SIPA1L3: variants seen among roughly 807,000 people sequenced by gnomAD.
The protein encoded by SIPA1L3 is signal induced proliferation associated 1 like 3.
Under a neutral mutation model 150.1 loss-of-function variants are expected in SIPA1L3, and 59 were observed. That is an observed-to-expected ratio of 0.39 (90% CI 0.32 to 0.49). The LOEUF (loss-of-function observed/expected upper bound fraction) is 0.49, where lower values mean the gene tolerates loss of function less well. SIPA1L3 is among the 20% of genes least tolerant of loss of function. SIPA1L3 has a pLI of 0.86. For synonymous variants in SIPA1L3, 1,070 were observed against 1,077.6 expected (o/e 0.99, Z 0.14); for missense variants, 2,211 against 2,489.5 (o/e 0.89, Z 2.38).
At chr19:38,115,270 C>T (rs1970857714) in intron 8 of SIPA1L3, among the ~76,000 whole-genome samples, 1 of 152,264 alleles carries the variant, frequency 6.6e-6, no homozygotes, top group Non-Finnish European at 1.5e-5. Context: ...CATCACAGCC[C>T]CTCACAGTGG....
intron 15 of SIPA1L3, among the ~76,000 whole-genome samples, chr19:38,177,752 G>A (rs370268697): frequency 2.6e-5 from 4 of 152,172 alleles, no homozygotes; most frequent in South Asian, 2.1e-4. Context: ...GCGGCAGGGC[G>A]CAGTGGCTCA....
At chr19:38,115,133 C>A (rs1970855199) in intron 8 of SIPA1L3, among the ~76,000 whole-genome samples, 1 of 152,206 alleles carries the variant, frequency 6.6e-6, no homozygotes, top group Admixed American at 6.5e-5. Context: ...CACCCCCAAG[C>A]CTTGATGGGC....
intron 1 of SIPA1L3, among the ~76,000 whole-genome samples, chr19:37,917,151 A>G (rs1599790303): frequency 6.6e-6 from 1 of 152,150 alleles, no homozygotes; most frequent in African/African-American, 2.4e-5. Context: ...TTTTTTCCAC[A>G]TTAAGCGTTT....
At chr19:38,026,473 C>A (rs1195632174) in intron 1 of SIPA1L3, among the ~76,000 whole-genome samples, 1 of 152,122 alleles carries the variant, frequency 6.6e-6, no homozygotes, top group South Asian at 2.1e-4. Flanking sequence ...CCCACCTCCA[C>A]CCACAACCCA....
intron 1 of SIPA1L3, among the ~76,000 whole-genome samples, chr19:37,955,439 G>A: frequency 6.7e-6 from 1 of 150,230 alleles, no homozygotes; most frequent in Admixed American, 6.7e-5. Context: ...TGGTAAATTT[G>A]TGAAGCTGCA....
intron 1 of SIPA1L3, among the ~76,000 whole-genome samples, chr19:37,938,603 CTTTTTCTTTTTTTCT>C (rs1383010958): frequency 2.0e-5 from 3 of 147,264 alleles, no homozygotes; most frequent in Admixed American, 1.3e-4. Context: ...ACATCTGCTT[CTTTTTCTTTTTTTCT>C]TTTTTCTTTT....
At chr19:38,054,405 G>A (rs1254019561) in intron 2 of SIPA1L3, among the ~76,000 whole-genome samples, 1 of 152,164 alleles carries the variant, frequency 6.6e-6, no homozygotes, top group Non-Finnish European at 1.5e-5. Flanking sequence ...TCAGAAGTTT[G>A]AGACTAGCCT....
At chr19:37,971,307 G>C (rs1966928364) in intron 1 of SIPA1L3, among the ~76,000 whole-genome samples, 1 of 151,838 alleles carries the variant, frequency 6.6e-6, no homozygotes, top group African/African-American at 2.4e-5. Context: ...ACATTTGATG[G>C]TTTTCAGTGT....
At chr19:38,072,631 G>A (rs1466580453) in intron 2 of SIPA1L3, among the ~76,000 whole-genome samples, 2 of 152,230 alleles carry the variant, frequency 1.3e-5, no homozygotes, top group Non-Finnish European at 2.9e-5. Flanking sequence ...AAGACATCAC[G>A]GTCTCACTGG....
In SIPA1L3 at chr19:37,990,195, C is replaced by A. The variant is rs10413865; in HGVS notation, c.-378-38894C>A. 8.5e-3 allele frequency among the ~76,000 whole-genome samples: 1,301 copies of A among 152,214 alleles called. 16 individuals are homozygous for A. The highest frequency in any genetic ancestry group is 0.029 in the African/African-American group (1,205 of 41,538). On this transcript the variant is annotated intron_variant, in intron 1 of 21. Coordinates refer to ENST00000222345, the MANE Select transcript of SIPA1L3 (RefSeq NM_015073.3). ...GGAAGAATTCCCAGGTCATTTTATA[C>A]CCACATCTTGATTTTTGTAACTGGG...
At chr19:38,096,550 C>T (rs972341920) in intron 4 of SIPA1L3, among the ~76,000 whole-genome samples, 2 of 151,942 alleles carry the variant, frequency 1.3e-5, no homozygotes, top group African/African-American at 2.4e-5. Context: ...CACCTGGCCT[C>T]CTCCTTAGTC....
intron 2 of SIPA1L3, among the ~76,000 whole-genome samples, chr19:38,056,205 C>T (rs1969310223): frequency 6.6e-6 from 1 of 152,248 alleles, no homozygotes; most frequent in Admixed American, 6.5e-5. Flanking sequence ...TGCACCAGCA[C>T]CACCCTCCTT....
At chr19:38,000,160 C>T (rs1375446906) in intron 1 of SIPA1L3, among the ~76,000 whole-genome samples, 1 of 152,000 alleles carries the variant, frequency 6.6e-6, no homozygotes, top group African/African-American at 2.4e-5. Flanking sequence ...TGGGCATGCA[C>T]AGTTAGGATT....
At chr19:37,942,577 G>T (rs1251355532) in intron 1 of SIPA1L3, among the ~76,000 whole-genome samples, 5 of 151,210 alleles carry the variant, frequency 3.3e-5, no homozygotes, top group African/African-American at 7.3e-5. Context: ...GCCTGGTGAG[G>T]GTGTGGGTTT....
intron 20 of SIPA1L3, 91 bp downstream of exon 20, chr19:38,202,088 C>T: frequency 7.7e-7 from 1 of 1,303,258 alleles, no homozygotes; most frequent in South Asian, 1.5e-5. Context: ...CCATGTGGGT[C>T]ACCCCCACCA....
At chr19:38,185,477 C>T (rs750949520) in intron 16 of SIPA1L3, 2 of 152,170 alleles carry the variant, frequency 1.3e-5, no homozygotes, top group African/African-American at 4.8e-5. Flanking sequence ...TAGGCCCACT[C>T]CTGCCCACCC....
Position 38,082,645 on chromosome 19 carries a change from G to A in SIPA1L3, c.1080G>A (p.Val360=), listed in dbSNP as rs942341948. The change falls in exon 3 of 22, where the codon GTG becomes GTA. Residue 360 remains valine, a synonymous_variant. Coordinates refer to ENST00000222345, the MANE Select transcript of SIPA1L3 (RefSeq NM_015073.3). The stretch of plus-strand genomic sequence containing the variant: ...TCAACGAGGCGGCCGCCAACAGGGT[G>A]TCGGTGTCGCAGCGGCGGAACACCA... The part of the protein sequence containing the change: ...FDLNEAAANR[V]SVSQRRNTTT... 3 of 1,606,466 alleles carry A rather than the reference G, an allele frequency of 1.9e-6. No homozygotes were observed. The highest frequency in any genetic ancestry group is 2.7e-5 in the African/African-American group (2 of 75,048).
At chr19:37,936,009 C>T (rs2046597260) in intron 1 of SIPA1L3, among the ~76,000 whole-genome samples, 1 of 152,156 alleles carries the variant, frequency 6.6e-6, no homozygotes, top group Non-Finnish European at 1.5e-5. Context: ...TCTGCTGCTC[C>T]AGGTCACCAT....
rs929991091 is a variant in SIPA1L3 at position 38,082,156 on chromosome 19, C to A, written c.591C>A (p.Pro197=). 7 of 1,605,584 alleles carry A rather than the reference C, an allele frequency of 4.4e-6. No individual in the cohort carries two copies. Among genetic ancestry groups the A allele is most frequent in the Non-Finnish European group, 5.9e-6 (7 of 1,179,626 alleles). Residue 197 remains proline (P), a synonymous_variant, in exon 3 of 22, where the codon CCC becomes CCA. Coordinates refer to ENST00000222345, the MANE Select transcript of SIPA1L3 (RefSeq NM_015073.3). ...PRGARHTGAL[P]LFREYGSTSS... is the part of the protein sequence containing the mutation. ...GGGCCCGGCACACGGGGGCGCTGCC[C>A]CTCTTCCGCGAGTACGGGAGCACCT...
Sources: allele counts gnomAD v4.1 joint callset (sites outside exome capture counted in the v4.1 genomes callset), GRCh38; gene constraint gnomAD v4.1.1; transcripts MANE v1.5; gene names NCBI Gene and HGNC (gene_info 2026-07-23, HGNC 2026-07-21).